The following DIAPH3 variants were observed in gnomAD, a reference collection of about 807,000 sequenced individuals.
DIAPH3 encodes diaphanous related formin 3.
Under a neutral mutation model 144.3 loss-of-function variants are expected in DIAPH3, and 117 were observed. The observed-to-expected ratio is 0.81, with a 90% CI of 0.70 to 0.95. The LOEUF (loss-of-function observed/expected upper bound fraction) is 0.95, where lower values mean the gene tolerates loss of function less well. Among genes scored for constraint, DIAPH3 ranks in the 40% least tolerant of loss-of-function variants. The pLI, the probability that DIAPH3 is intolerant of heterozygous loss-of-function variation, is 0.00. For missense variants in DIAPH3, 1,421 were observed against 1,412.7 expected, an observed-to-expected ratio of 1.01 and a Z score of -0.09; for synonymous variants, 519 against 488.9, an observed-to-expected ratio of 1.06 and a Z score of -0.81.
intron 4 of DIAPH3, among the ~76,000 whole-genome samples, chr13:60,062,386 G>C (rs2056808149): frequency 6.6e-6 from 1 of 152,114 alleles, no homozygotes; most frequent in Admixed American, 6.5e-5. Context: ...TTGAGCTCTG[G>C]AAATACATGC....
At chr13:59,724,516 A>C (rs74438451) in intron 27 of DIAPH3, among the ~76,000 whole-genome samples, 6,517 of 152,250 alleles carry the variant, frequency 0.043, 233 homozygotes, top group Admixed American at 0.1. Flanking sequence ...TTCAAGTATG[A>C]ATTTGCCTAG....
At chr13:60,058,981 T>C (rs1163002196) in intron 4 of DIAPH3, among the ~76,000 whole-genome samples, 1 of 151,816 alleles carries the variant, frequency 6.6e-6, no homozygotes, top group Non-Finnish European at 1.5e-5. Context: ...AATTCATACA[T>C]GTAACCAAAA....
intron 24 of DIAPH3, among the ~76,000 whole-genome samples, chr13:59,825,243 T>C (rs2041327014): frequency 6.6e-6 from 1 of 152,100 alleles, no homozygotes. Flanking sequence ...TGTGTCCATG[T>C]GTTCTCATTG....
chr13:60,019,258 CG>C (rs1366138511), intron 5 of DIAPH3, among the ~76,000 whole-genome samples: 3 of 152,082 alleles, frequency 2.0e-5, no homozygotes, highest in African/African-American at 7.2e-5. Flanking sequence ...TTAATTTCCA[CG>C]AACTAAAATC....
At chr13:59,852,319 T>G (rs2043022781) in intron 22 of DIAPH3, among the ~76,000 whole-genome samples, 1 of 152,240 alleles carries the variant, frequency 6.6e-6, no homozygotes, top group Non-Finnish European at 1.5e-5. Context: ...TTCCTAGCAC[T>G]TATATCATTT....
chr13:60,111,771 C>T (rs553311443), intron 3 of DIAPH3, among the ~76,000 whole-genome samples: 2 of 152,272 alleles, frequency 1.3e-5, no homozygotes, highest in African/African-American at 4.8e-5. Flanking sequence ...ATATACCGTT[C>T]GATACTTTGG....
intron 27 of DIAPH3, among the ~76,000 whole-genome samples, chr13:59,726,859 A>G (rs756301552): frequency 2.0e-5 from 3 of 152,336 alleles, no homozygotes; most frequent in Non-Finnish European, 4.4e-5. Context: ...ATTAAAAATA[A>G]AAGTGTATAA....
At chr13:59,714,098 C>T (rs566452771) in intron 27 of DIAPH3, among the ~76,000 whole-genome samples, 4 of 152,146 alleles carry the variant, frequency 2.6e-5, no homozygotes, top group African/African-American at 7.2e-5. Flanking sequence ...CGGTGGCTCA[C>T]GCCTGTAATC....
intron 22 of DIAPH3, among the ~76,000 whole-genome samples, chr13:59,853,067 T>C (rs912015548): frequency 6.6e-6 from 1 of 152,172 alleles, no homozygotes; most frequent in African/African-American, 2.4e-5. Context: ...ACCCATTTTA[T>C]AGGTAGGAAA....
chr13:59,835,452 G>C (rs1041937067), intron 23 of DIAPH3, among the ~76,000 whole-genome samples: 11 of 151,732 alleles, frequency 7.2e-5, no homozygotes, highest in Admixed American at 7.2e-4. Flanking sequence ...AACAACAGAG[G>C]CTTGACTGTT....
intron 25 of DIAPH3, among the ~76,000 whole-genome samples, chr13:59,810,134 T>C (rs535009261): frequency 8.6e-5 from 13 of 152,012 alleles, no homozygotes; most frequent in Non-Finnish European, 1.6e-4. Context: ...AAAAAAAAAG[T>C]ATCCAAAATG....
intron 27 of DIAPH3, among the ~76,000 whole-genome samples, chr13:59,705,649 C>A (rs1213970714): frequency 6.6e-6 from 1 of 152,034 alleles, no homozygotes; most frequent in African/African-American, 2.4e-5. Context: ...GAAGTAAGTA[C>A]GTTAGTGTTT....
intron 12 of DIAPH3, among the ~76,000 whole-genome samples, chr13:59,984,148 G>C (rs2051220495): frequency 1.3e-5 from 2 of 151,574 alleles, no homozygotes; most frequent in Admixed American, 1.3e-4. Context: ...TCAAAACCTT[G>C]AATTAAGTAA....
intron 9 of DIAPH3, among the ~76,000 whole-genome samples, chr13:60,004,069 T>C (rs192998805): frequency 2.0e-4 from 30 of 152,338 alleles, no homozygotes; most frequent in Middle Eastern, 6.8e-3. Flanking sequence ...AAAAATACTT[T>C]GTCATAAATA....
intron 3 of DIAPH3, among the ~76,000 whole-genome samples, chr13:60,111,626 G>T (rs2058570224): frequency 1.3e-5 from 2 of 152,178 alleles, no homozygotes; most frequent in Non-Finnish European, 2.9e-5. Flanking sequence ...CTGATGATGT[G>T]AGGTGGAACA....
intron 27 of DIAPH3, among the ~76,000 whole-genome samples, chr13:59,736,191 T>C (rs898195971): frequency 1.3e-5 from 2 of 152,226 alleles, no homozygotes; most frequent in Non-Finnish European, 2.9e-5. Flanking sequence ...CAATCTATCA[T>C]TGATGGCCAC....
intron 18 of DIAPH3, among the ~76,000 whole-genome samples, chr13:59,923,536 A>G (rs546028655): frequency 6.6e-6 from 1 of 152,300 alleles, no homozygotes; most frequent in Admixed American, 6.5e-5. Context: ...ATTATTAATT[A>G]TGATCCCTAT....
chr13:59,839,528 T>C, intron 22 of DIAPH3, 80 bp from the exon 23 acceptor site: 1 of 1,329,160 alleles, frequency 7.5e-7, no homozygotes, highest in Non-Finnish European at 1.0e-6. Flanking sequence ...AACAAAACAT[T>C]CATGAAAACA....
chr13:59,838,532 T>C (rs1030857609), intron 23 of DIAPH3: 9 of 152,148 alleles, frequency 5.9e-5, no homozygotes, highest in Non-Finnish European at 1.3e-4. Context: ...CTAAAGGAAA[T>C]ATTAAATTTT....
Sources: allele counts gnomAD v4.1 joint callset (sites outside exome capture counted in the v4.1 genomes callset), GRCh38; gene constraint gnomAD v4.1.1; transcripts MANE v1.5; gene names NCBI Gene and HGNC (gene_info 2026-07-23, HGNC 2026-07-21).